SLC39A11: variants seen among roughly 807,000 people sequenced by gnomAD.
The protein encoded by SLC39A11 is zinc transporter ZIP11.
A neutral mutation model predicts 36.1 loss-of-function variants in SLC39A11; 33 were observed. The observed-to-expected ratio is 0.91, with a 90% CI of 0.69 to 1.22. The LOEUF is 1.22. Ranked by LOEUF, SLC39A11 falls within the 50% of genes most tolerant of loss-of-function variation. The pLI is 0.00. For synonymous variants in SLC39A11, 166 were observed against 170.3 expected (o/e 0.97, Z 0.20); for missense variants, 432 against 430.3 (o/e 1.00, Z -0.03).
chr17:72,671,637 T>C (rs1472642204), intron 7 of SLC39A11, among the ~76,000 whole-genome samples: 2 of 152,066 alleles, frequency 1.3e-5, no homozygotes, highest in South Asian at 2.1e-4. Context: ...AGGAGAATCG[T>C]TTGAACCCAG....
At chr17:73,081,825 G>A (rs955041671) in intron 3 of SLC39A11, among the ~76,000 whole-genome samples, 4 of 150,660 alleles carry the variant, frequency 2.7e-5, no homozygotes, top group Admixed American at 6.7e-5. Flanking sequence ...AATGGTACTC[G>A]CAGCAATCTG....
At chr17:72,957,962 C>G (rs377534628) in intron 4 of SLC39A11, among the ~76,000 whole-genome samples, 1 of 152,232 alleles carries the variant, frequency 6.6e-6, no homozygotes, top group East Asian at 1.9e-4. Context: ...CACTTCACTC[C>G]AGCCTGGGCG....
chr17:72,994,384 G>C (rs1201605896), intron 4 of SLC39A11, among the ~76,000 whole-genome samples: 1 of 152,010 alleles, frequency 6.6e-6, no homozygotes, highest in Admixed American at 6.6e-5. Context: ...GTTGTTTAGG[G>C]ATGTACATAT....
At chr17:73,007,614 C>A (rs554547804) in intron 4 of SLC39A11, among the ~76,000 whole-genome samples, 3 of 152,172 alleles carry the variant, frequency 2.0e-5, no homozygotes, top group South Asian at 4.2e-4. Flanking sequence ...GTGCTGAGAA[C>A]CAGCTGCAGG....
chr17:72,810,096 A>G (rs971029396), intron 6 of SLC39A11, among the ~76,000 whole-genome samples: 42 of 147,552 alleles, frequency 2.8e-4, no homozygotes, highest in African/African-American at 9.7e-4. Context: ...AAAAAAAAAA[A>G]AAAGAAAAGA....
At chr17:72,776,977 T>C (rs1278296175) in intron 6 of SLC39A11, among the ~76,000 whole-genome samples, 1 of 152,130 alleles carries the variant, frequency 6.6e-6, no homozygotes, top group African/African-American at 2.4e-5. Context: ...ACTTTTTTCA[T>C]CTCATAAGAG....
intron 6 of SLC39A11, among the ~76,000 whole-genome samples, chr17:72,760,714 C>T (rs1261974496): frequency 6.6e-6 from 1 of 152,182 alleles, no homozygotes; most frequent in African/African-American, 2.4e-5. Flanking sequence ...AACAGATATT[C>T]ACGACCAAGG....
At chr17:72,692,071 C>G (rs974271122) in intron 7 of SLC39A11, among the ~76,000 whole-genome samples, 1 of 150,382 alleles carries the variant, frequency 6.6e-6, no homozygotes, top group South Asian at 2.1e-4. Flanking sequence ...AGTGCAGTGG[C>G]GCGATCTCGG....
chr17:72,789,038 G>C (rs1392342568), intron 6 of SLC39A11, among the ~76,000 whole-genome samples: 3 of 151,852 alleles, frequency 2.0e-5, no homozygotes. Flanking sequence ...AGAGGACAAA[G>C]GCTTTTTTTT....
At chr17:73,016,459 G>A (rs1028190979) in intron 4 of SLC39A11, among the ~76,000 whole-genome samples, 3 of 151,626 alleles carry the variant, frequency 2.0e-5, no homozygotes, top group Middle Eastern at 3.4e-3. Flanking sequence ...TCAGCCTCCC[G>A]AGTAGCTGGG....
At chr17:72,870,382 C>T (rs1320052218) in intron 5 of SLC39A11, among the ~76,000 whole-genome samples, 1 of 152,226 alleles carries the variant, frequency 6.6e-6, no homozygotes, top group Non-Finnish European at 1.5e-5. Context: ...GTTTATCCAC[C>T]TGCAAGGGTC....
chr17:72,953,299 T>C (rs746347140), intron 4 of SLC39A11, among the ~76,000 whole-genome samples: 9 of 151,604 alleles, frequency 5.9e-5, no homozygotes, highest in African/African-American at 1.2e-4. Flanking sequence ...AGGCAGGAGC[T>C]GAAGAAGAAG....
At chr17:72,832,569 A>T (rs564439169) in intron 6 of SLC39A11, among the ~76,000 whole-genome samples, 9 of 152,356 alleles carry the variant, frequency 5.9e-5, no homozygotes, top group Admixed American at 5.9e-4. Context: ...GACAAACAAC[A>T]GAGCAAGGAA....
intron 7 of SLC39A11, among the ~76,000 whole-genome samples, chr17:72,697,536 A>G (rs1008409346): frequency 6.6e-6 from 1 of 152,168 alleles, no homozygotes; most frequent in Admixed American, 6.5e-5. Flanking sequence ...ATCAGTGCCC[A>G]TCACCACCAC....
intron 7 of SLC39A11, among the ~76,000 whole-genome samples, chr17:72,664,370 G>A (rs1203347868): frequency 6.6e-6 from 1 of 152,192 alleles, no homozygotes; most frequent in African/African-American, 2.4e-5. Context: ...AACTGCAGAA[G>A]GCAGGGAGGG....
At chr17:72,901,368 G>A (rs899941967) in intron 5 of SLC39A11, among the ~76,000 whole-genome samples, 4 of 152,214 alleles carry the variant, frequency 2.6e-5, no homozygotes, top group African/African-American at 7.2e-5. Context: ...TTAGAGGCGT[G>A]GGTTGTGGGT....
rs532813016 is a variant in SLC39A11 at position 72,867,370 on chromosome 17, T to G, written c.431-17566A>C. ...CAAAAATCAGCCGAGCATGGTGGCA[T>G]GCACCTGTAATCCCAGCTACTCGGG... On this transcript the variant is annotated intron_variant, in intron 5 of 9. Coordinates refer to ENST00000255559, the MANE Select transcript of SLC39A11 (RefSeq NM_139177.4). 2.0e-5 allele frequency among the ~76,000 whole-genome samples: 3 copies of G among 151,924 alleles called. No homozygotes were observed. The East Asian group carries it at 5.8e-4, about 29-fold the overall frequency.
intron 3 of SLC39A11, among the ~76,000 whole-genome samples, chr17:73,056,672 G>C (rs2059680382): frequency 6.6e-6 from 1 of 152,136 alleles, no homozygotes; most frequent in South Asian, 2.1e-4. Flanking sequence ...AGCTGGCTTG[G>C]ATCTGGTAGG....
intron 5 of SLC39A11, among the ~76,000 whole-genome samples, chr17:72,901,375 G>A (rs745566519): frequency 6.6e-6 from 1 of 152,224 alleles, no homozygotes; most frequent in Non-Finnish European, 1.5e-5. Context: ...CGTGGGTTGT[G>A]GGTGGAAGGC....
Sources: allele counts gnomAD v4.1 joint callset (sites outside exome capture counted in the v4.1 genomes callset), GRCh38; gene constraint gnomAD v4.1.1; transcripts MANE v1.5; gene names NCBI Gene and HGNC (gene_info 2026-07-23, HGNC 2026-07-21).